Variants in KANK1 observed in about 807,000 individuals in gnomAD.
The protein encoded by KANK1 is KN motif and ankyrin repeat domains 1.
In KANK1, 109 loss-of-function variants were observed where a neutral mutation model predicts 106.2. That is an observed-to-expected ratio of 1.03 (90% confidence interval 0.88 to 1.20). The LOEUF (loss-of-function observed/expected upper bound fraction) is 1.20, where lower values mean the gene tolerates loss of function less well. Among genes scored for constraint, KANK1 ranks in the 50% most tolerant of loss-of-function variants. The pLI, the probability that KANK1 is intolerant of heterozygous loss-of-function variation, is 0.00. For synonymous variants in KANK1, 873 were observed against 652.2 expected (o/e 1.34, Z -5.16); for missense variants, 2,399 against 1,710.7 (o/e 1.40, Z -7.10).
chr9:692,032 C>G (rs1424437103), intron 2 of KANK1, among the ~76,000 whole-genome samples: 3 of 152,122 alleles, frequency 2.0e-5, no homozygotes, highest in African/African-American at 7.2e-5. Context: ...AAAGCCAGTT[C>G]TAAACAATAA....
At chr9:732,355 C>T in intron 5 of KANK1, 23 bp from the exon 6 acceptor site, 1 of 1,600,202 alleles carries the variant, frequency 6.2e-7, no homozygotes, top group Non-Finnish European at 8.6e-7. Context: ...CTTGCATCTC[C>T]TGAAATCCCA....
intron 1 of KANK1, among the ~76,000 whole-genome samples, chr9:508,121 C>CTTTTTTTTT (rs71314711): frequency 3.1e-4 from 12 of 39,184 alleles, no homozygotes; most frequent in Non-Finnish European, 4.9e-4. Context: ...CCTGCTCAGC[C>CTTTTTTTTT]TTTTTTTTTT....
chr9:603,168 G>A (rs1828208602), intron 1 of KANK1, among the ~76,000 whole-genome samples: 1 of 151,772 alleles, frequency 6.6e-6, no homozygotes, highest in African/African-American at 2.4e-5. Context: ...TTTTCCTCTG[G>A]ACCGTGGCAT....
In KANK1 at chr9:683,021, C is replaced by T. The variant is rs185082622; in HGVS notation, c.37+6012C>T. 5.3e-4 allele frequency among the ~76,000 whole-genome samples: 80 copies of T among 152,258 alleles called. 1 individual carries two copies. Among genetic ancestry groups the T allele is most frequent in the Non-Finnish European group, 2.1e-4 (14 of 68,020 alleles). ...TACGTGCTATTTGTCAAGTATAAGA[C>T]TAGTTTGCAGTGACTGGTCTGGCTA... On this transcript the variant is annotated intron_variant, in intron 2 of 11. Transcript: ENST00000382297.
intron 1 of KANK1, among the ~76,000 whole-genome samples, chr9:640,984 C>T (rs1838309024): frequency 6.6e-6 from 1 of 152,200 alleles, no homozygotes; most frequent in Non-Finnish European, 1.5e-5. Flanking sequence ...GCGTGAGCCA[C>T]CGCGCCTGGC....
Position 684,890 on chromosome 9 carries a change from T to A in KANK1, c.37+7881T>A, listed in dbSNP as rs182093302. On this transcript the variant is annotated intron_variant, in intron 2 of 11. Coordinates refer to ENST00000382297, the MANE Select transcript of KANK1 (RefSeq NM_015158.5). ...CAAATTCACAGAAACGATAAGTTCT[T>A]GCTCTTTCCTGACCAAAAAAAAAAA... is the stretch of plus-strand genomic sequence containing the variant. 7.4e-5 allele frequency among the ~76,000 whole-genome samples: 11 copies of A among 148,862 alleles called. No homozygotes were observed. In the East Asian group the frequency reaches 2.2e-3, roughly 30 times the overall value.
At chr9:597,881 T>C (rs1826622324) in intron 1 of KANK1, among the ~76,000 whole-genome samples, 1 of 151,460 alleles carries the variant, frequency 6.6e-6, no homozygotes, top group Admixed American at 6.6e-5. Flanking sequence ...GGCCAGGCTA[T>C]CTTGAACTCT....
chr9:623,715 A>G (rs1833718494), intron 1 of KANK1, among the ~76,000 whole-genome samples: 1 of 152,186 alleles, frequency 6.6e-6, no homozygotes, highest in African/African-American at 2.4e-5. Flanking sequence ...ATTTGTTAGG[A>G]TGCCTGTTAT....
intron 2 of KANK1, chr9:693,688 T>C (rs1820532910): frequency 1.0e-6 from 1 of 985,298 alleles, no homozygotes; most frequent in African/African-American, 1.7e-5. Flanking sequence ...CTGGGCTCTT[T>C]GCCTGCTAAT....
At chr9:685,555 C>G (rs1401232338) in intron 2 of KANK1, 1 of 152,150 alleles carries the variant, frequency 6.6e-6, no homozygotes, top group Non-Finnish European at 1.5e-5. Flanking sequence ...TTGCCTGATC[C>G]CTGATTTCCC....
chr9:617,157 A>G (rs188369418), intron 1 of KANK1, among the ~76,000 whole-genome samples: 5 of 152,282 alleles, frequency 3.3e-5, no homozygotes, highest in Non-Finnish European at 5.9e-5. Flanking sequence ...CTAATAAAAT[A>G]TAATAAAGAG....
intron 1 of KANK1, among the ~76,000 whole-genome samples, chr9:636,012 G>A (rs868361202): frequency 2.6e-5 from 4 of 152,066 alleles, no homozygotes; most frequent in Admixed American, 2.0e-4. Flanking sequence ...CAGTTTCTGC[G>A]TGGTACATAT....
At chr9:645,067 T>A (rs946662963) in intron 1 of KANK1, among the ~76,000 whole-genome samples, 1 of 133,222 alleles carries the variant, frequency 7.5e-6, no homozygotes, top group Non-Finnish European at 1.5e-5. Flanking sequence ...GAGGTTGCAG[T>A]GAGCGGAGAT....
At chr9:536,448 C>A (rs533594149) in intron 1 of KANK1, among the ~76,000 whole-genome samples, 13 of 152,146 alleles carry the variant, frequency 8.5e-5, no homozygotes, top group Middle Eastern at 3.4e-3. Context: ...AGGACCAGTT[C>A]CTTCTGAAGG....
chr9:551,373 T>G (rs1156383465), intron 1 of KANK1, among the ~76,000 whole-genome samples: 2 of 152,056 alleles, frequency 1.3e-5, no homozygotes, highest in Non-Finnish European at 2.9e-5. Flanking sequence ...ATTCCCAAAT[T>G]TTGAATCTGA....
intron 1 of KANK1, among the ~76,000 whole-genome samples, chr9:575,040 T>TA (rs1313169107): frequency 2.0e-5 from 3 of 152,090 alleles, no homozygotes; most frequent in Admixed American, 6.5e-5. Context: ...GCTTTATGTT[T>TA]AAAAAAACAA....
chr9:744,965 G>A, intron 11 of KANK1: 1 of 1,466,468 alleles, frequency 6.8e-7, no homozygotes, highest in East Asian at 2.4e-5. Flanking sequence ...GTGGGAAGGT[G>A]ACTTCCCAGG....
intron 1 of KANK1, among the ~76,000 whole-genome samples, chr9:509,035 T>C (rs1367864466): frequency 6.6e-6 from 1 of 152,226 alleles, no homozygotes; most frequent in Non-Finnish European, 1.5e-5. Flanking sequence ...AGTTCTGTTG[T>C]GTCCTTTTTA....
At chr9:595,920 C>G (rs749975015) in intron 1 of KANK1, among the ~76,000 whole-genome samples, 1 of 151,866 alleles carries the variant, frequency 6.6e-6, no homozygotes, top group Non-Finnish European at 1.5e-5. Flanking sequence ...TCCCCTATCC[C>G]AAACGCTTGG....
Sources: gnomAD v4.1 joint callset for allele counts (sites outside exome capture counted in the v4.1 genomes callset) on GRCh38, gnomAD v4.1.1 for gene constraint, MANE v1.5 for transcripts, NCBI Gene and HGNC (gene_info 2026-07-23, HGNC 2026-07-21) for gene names.